MTMR6: variants seen among roughly 807,000 people sequenced by gnomAD.
The protein encoded by MTMR6 is phosphatidylinositol-3,5-bisphosphate 3-phosphatase MTMR6.
A neutral mutation model predicts 80.1 loss-of-function variants in MTMR6; 47 were observed. The observed-to-expected ratio is 0.59, with a 90% CI of 0.46 to 0.75. MTMR6 has a LOEUF of 0.75. MTMR6 is among the 30% of genes least tolerant of loss of function. MTMR6 has a pLI of 0.00. For missense variants in MTMR6, 629 were observed against 730.9 expected (o/e 0.86, Z 1.61); for synonymous variants, 254 against 253.0 (o/e 1.00, Z -0.04).
Position 25,268,664 on chromosome 13 carries a change from T to G in MTMR6, c.142-723A>C, listed in dbSNP as rs1396963199. Among the ~76,000 whole-genome samples, 6 of 152,316 alleles carry G rather than the reference T, an allele frequency of 3.9e-5. No individual in the cohort carries two copies. In the East Asian group the frequency reaches 1.2e-3, roughly 29 times the overall value. On this transcript the variant is annotated intron_variant, in intron 2 of 13. Transcript: ENST00000381801. The stretch of plus-strand genomic sequence containing the variant: ...CCTGCAGATCAAGCTATACTTTTCC[T>G]TCACAGTGAAGGCCACTGTGAGGAT...
At chr13:25,274,839 C>T (rs1417649563) in intron 1 of MTMR6, among the ~76,000 whole-genome samples, 3 of 152,086 alleles carry the variant, frequency 2.0e-5, no homozygotes, top group African/African-American at 7.2e-5. Flanking sequence ...CTCTGCAGCT[C>T]TGAATTCCCT....
chr13:25,259,429 A>T (rs1257684718), intron 6 of MTMR6, among the ~76,000 whole-genome samples: 2 of 152,320 alleles, frequency 1.3e-5, no homozygotes, highest in Non-Finnish European at 2.9e-5. Context: ...AATTCTTATG[A>T]ACGTGGATAA....
intron 8 of MTMR6, 77 bp downstream of exon 8, chr13:25,257,659 C>A: frequency 9.9e-7 from 1 of 1,011,112 alleles, no homozygotes. Flanking sequence ...GAATAGATAC[C>A]AGCCCCCAAC....
chr13:25,265,595 T>C (rs1446485291), intron 5 of MTMR6, among the ~76,000 whole-genome samples: 1 of 152,008 alleles, frequency 6.6e-6, no homozygotes, highest in African/African-American at 2.4e-5. Flanking sequence ...TAGCCAGGCA[T>C]GGTGGCACGC....
rs1004259408 is a variant in MTMR6, at chr13:25,253,970, C to T, written c.1146-6G>A. The T allele has an allele frequency of 3.2e-5, 52 of 1,613,784 alleles. No individual in the cohort carries two copies. Among genetic ancestry groups the T allele is most frequent in the Non-Finnish European group, 4.3e-5 (51 of 1,179,838 alleles). ...CACCATCCAACTGGCCACACCTAAC[C>T]CCACAGAAAGTATAAGCTTTTAAAA... On this transcript the variant is annotated splice_polypyrimidine_tract_variant and splice_region_variant and intron_variant, in intron 10 of 13. Transcript: ENST00000381801.
Position 25,249,286 on chromosome 13 carries a change from T to C in MTMR6, c.1812A>G (p.Lys604=). The change falls in exon 14 of 14, where the codon AAA becomes AAG. Residue 604 remains lysine, a synonymous_variant. Transcript: ENST00000381801. ...RYSEYAEEFS[K]SEPAVVSLEY... ...CTAAGCTGACCACAGCAGGTTCTGATTTAGAAAACTCTTCTGCATATTCAC... is the reference window on the plus strand; with the variant it reads ...CTAAGCTGACCACAGCAGGTTCTGACTTAGAAAACTCTTCTGCATATTCAC... 1 of 1,614,100 alleles carries C rather than the reference T, an allele frequency of 6.2e-7. No individual in the cohort carries two copies. The highest frequency in any genetic ancestry group is 1.1e-5 in the South Asian group (1 of 91,084).
At chr13:25,257,048 GT>G in intron 9 of MTMR6, 147 bp downstream of exon 9, 4 of 857,600 alleles carry the variant, frequency 4.7e-6, no homozygotes, top group Non-Finnish European at 6.9e-6. Flanking sequence ...AAAATGTTTA[GT>G]TAGCAATATC....
intron 1 of MTMR6, among the ~76,000 whole-genome samples, chr13:25,281,447 A>C (rs1282624115): frequency 6.6e-6 from 1 of 152,182 alleles, no homozygotes; most frequent in Non-Finnish European, 1.5e-5. Context: ...AAAAAAAAGA[A>C]GAAAAGATTC....
At position 25,268,662 on chromosome 13, in the gene MTMR6, C is replaced by G. The variant is rs761776746; in HGVS notation, c.142-721G>C. On this transcript the variant is annotated intron_variant, in intron 2 of 13. Transcript: ENST00000381801. ...TTCCTGCAGATCAAGCTATACTTTTCCTTCACAGTGAAGGCCACTGTGAGG... is the reference window on the plus strand; with the variant it reads ...TTCCTGCAGATCAAGCTATACTTTTGCTTCACAGTGAAGGCCACTGTGAGG... 1.1e-3 allele frequency among the ~76,000 whole-genome samples: 170 copies of G among 152,256 alleles called. 1 individual carries two copies. The highest frequency in any genetic ancestry group is 1.7e-3 in the Non-Finnish European group (114 of 68,010).
In MTMR6 at chr13:25,251,506, C is replaced by T; in HGVS notation, c.1605+143G>A. 1 of 677,296 alleles carries T rather than the reference C, an allele frequency of 1.5e-6. No homozygotes were observed. The highest frequency in any genetic ancestry group is 2.9e-5 in the East Asian group (1 of 34,510). 42.0% of individuals were successfully genotyped at this position (677,296 alleles called of 1,614,324 possible). On this transcript the variant is annotated intron_variant, in intron 13 of 13. Coordinates refer to ENST00000381801, the MANE Select transcript of MTMR6 (RefSeq NM_004685.5). The surrounding 1 kb of genome is among the most constrained non-coding windows in gnomAD (Gnocchi z 4.1). ...AGAAAGTGATTCGAACTAACGTATT[C>T]AATCAAAGTAGGGATGACCTGATTT...
Position 25,258,665 on chromosome 13 carries a change from C to T in MTMR6, c.754G>A (p.Gly252Arg). The change falls in exon 7 of 14, where the codon GGA (glycine) becomes AGA (arginine). Residue 252 changes from glycine (G) to arginine (R), a missense_variant. Transcript: ENST00000381801. ...KLNAMANRAA[G>R]KGYENEDNYS... The stretch of plus-strand genomic sequence containing the variant: ...TTGTCTTCATTTTCATAACCTTTTC[C>T]AGCTGCTCTGTTGGCCATTGCATTC... The T allele has an allele frequency of 6.3e-7, 1 of 1,585,064 alleles. No individual in the cohort carries two copies. The highest frequency in any genetic ancestry group is 8.5e-7 in the Non-Finnish European group (1 of 1,171,542).
At chr13:25,282,149 T>A (rs538892414) in intron 1 of MTMR6, among the ~76,000 whole-genome samples, 84 of 152,232 alleles carry the variant, frequency 5.5e-4, no homozygotes, top group African/African-American at 1.9e-3. Context: ...TTGTTCCCTT[T>A]GTTGGGACTC....
chr13:25,267,485 T>A (rs1213926406), intron 3 of MTMR6, among the ~76,000 whole-genome samples: 2 of 152,142 alleles, frequency 1.3e-5, no homozygotes, highest in East Asian at 1.9e-4. Flanking sequence ...AAAAAATACA[T>A]TGTGCTACTT....
intron 2 of MTMR6, among the ~76,000 whole-genome samples, chr13:25,270,893 C>G (rs1206657937): frequency 6.6e-6 from 1 of 152,154 alleles, no homozygotes; most frequent in Non-Finnish European, 1.5e-5. Flanking sequence ...TAATTGACCT[C>G]TAATCTTGAT....
Position 25,247,560 on chromosome 13 carries a change from C to G in MTMR6, c.*1672G>C, listed in dbSNP as rs1330125912. The G allele has an allele frequency of 6.6e-6, 1 of 152,164 alleles. No homozygotes were observed. The highest frequency in any genetic ancestry group is 1.9e-4 in the East Asian group (1 of 5,204). The allele number at this position is 152,164 out of a possible 1,614,324, so 9.4% of individuals were successfully genotyped here. On this transcript the variant is annotated 3_prime_UTR_variant, in exon 14 of 14. Transcript: ENST00000381801. ...AAAACCACAATCAGTGACTGGAACA[C>G]CAAGGCACAAAAACTTCCCTTTGTA...
chr13:25,254,512 TA>T, intron 9 of MTMR6, 78 bp from the exon 10 acceptor site: 1 of 969,854 alleles, frequency 1.0e-6, no homozygotes, highest in South Asian at 1.4e-5. Flanking sequence ...CTTATTAGTT[TA>T]AAAACAGTAT....
chr13:25,269,818 A>AACAC lies in MTMR6; in HGVS notation c.142-1881_142-1878dup, dbSNP rs569393776. Among the ~76,000 whole-genome samples the AACAC allele has an allele frequency of 1.9e-3, 295 of 151,768 alleles. 3 individuals are homozygous for AACAC. The highest frequency in any genetic ancestry group is 6.2e-3 in the African/African-American group (255 of 41,442). The stretch of plus-strand genomic sequence containing the variant: ...AAAACTACATAGAGAACAAATAATT[A>AACAC]ACACACACACACACATATATAGTCC... On this transcript the variant is annotated intron_variant, in intron 2 of 13. Transcript: ENST00000381801.
At chr13:25,260,722 C>A in intron 6 of MTMR6, 1 of 1,057,472 alleles carries the variant, frequency 9.5e-7, no homozygotes. Flanking sequence ...TTAGCTATTA[C>A]CACTGAGGAT....
At chr13:25,254,276 C>T (rs1004136468) in intron 10 of MTMR6, 109 bp downstream of exon 10, 28 of 813,802 alleles carry the variant, frequency 3.4e-5, no homozygotes, top group Non-Finnish European at 5.0e-5. Flanking sequence ...AACCATGACA[C>T]TCTTACCTCC....
Sources: allele counts gnomAD v4.1 joint callset (sites outside exome capture counted in the v4.1 genomes callset), GRCh38; gene constraint gnomAD v4.1.1; non-coding constraint Gnocchi (gnomAD v3.1); transcripts MANE v1.5; gene names NCBI Gene and HGNC (gene_info 2026-07-23, HGNC 2026-07-21).